Variants in DEPDC5 observed in about 807,000 individuals in gnomAD.
DEPDC5 encodes DEP domain containing 5, GATOR1 subcomplex subunit, also known as GATOR1 complex protein DEPDC5.
In DEPDC5, 73 loss-of-function variants were observed where a neutral mutation model predicts 217.3. That is an observed-to-expected ratio of 0.34 (90% confidence interval 0.28 to 0.41). The LOEUF is 0.41. Among genes scored for constraint, DEPDC5 ranks in the 10% least tolerant of loss-of-function variants. DEPDC5 has a pLI of 1.00. For missense variants in DEPDC5, 1,675 were observed against 2,070.1 expected (o/e 0.81, Z 3.70); for synonymous variants, 733 against 756.7 (o/e 0.97, Z 0.51).
intron 37 of DEPDC5, among the ~76,000 whole-genome samples, chr22:31,879,256 A>G (rs753452465): frequency 5.9e-5 from 9 of 151,564 alleles, no homozygotes; most frequent in Non-Finnish European, 1.2e-4. Context: ...GTTCCTGACC[A>G]TTTTCATCAC....
At chr22:31,857,796 T>G in intron 32 of DEPDC5, 1 of 358,716 alleles carries the variant, frequency 2.8e-6, no homozygotes, top group Non-Finnish European at 5.0e-6. Context: ...ATGCTTGTAA[T>G]CCCAGCACTT....
intron 7 of DEPDC5, 89 bp downstream of exon 7, chr22:31,768,952 T>C (rs1388301359): frequency 1.3e-6 from 2 of 1,512,102 alleles, no homozygotes; most frequent in Non-Finnish European, 1.8e-6. Context: ...TAATAAAATG[T>C]GTAAAAGTAT....
At chr22:31,763,364 A>G (rs971360953) in intron 4 of DEPDC5, among the ~76,000 whole-genome samples, 2 of 151,426 alleles carry the variant, frequency 1.3e-5, no homozygotes, top group African/African-American at 4.9e-5. Context: ...ACCCCAGGTG[A>G]TCTGCCTGCC....
At chr22:31,826,590 G>A (rs546944516) in intron 24 of DEPDC5, 2 of 350,666 alleles carry the variant, frequency 5.7e-6, no homozygotes, top group Admixed American at 3.7e-5. Flanking sequence ...CTTCTTTGAA[G>A]CCTGCCCCGG....
intron 24 of DEPDC5, among the ~76,000 whole-genome samples, chr22:31,828,704 T>C (rs1303259687): frequency 6.6e-6 from 1 of 152,170 alleles, no homozygotes; most frequent in Non-Finnish European, 1.5e-5. Flanking sequence ...TGGAACATGT[T>C]TTGCCTTCTT....
At chr22:31,772,882 A>G (rs574866523) in intron 7 of DEPDC5, among the ~76,000 whole-genome samples, 36 of 152,112 alleles carry the variant, frequency 2.4e-4, no homozygotes, top group Middle Eastern at 3.4e-3. Context: ...CCTGGTTTCA[A>G]GTGATTCTCC....
In DEPDC5 at chr22:31,873,242, C is replaced by G; in HGVS notation, c.3486-13C>G. ...GCCATCTTGCTTTGCTGACCTGACACCCTGTGTTACAGCTCTCAGCAGCTG... is the reference window on the plus strand; with the variant it reads ...GCCATCTTGCTTTGCTGACCTGACAGCCTGTGTTACAGCTCTCAGCAGCTG... On this transcript the variant is annotated splice_polypyrimidine_tract_variant and intron_variant, in intron 34 of 42. Coordinates refer to ENST00000651528, the MANE Select transcript of DEPDC5 (RefSeq NM_001242896.3). 6.2e-7 allele frequency: 1 copy of G among 1,614,030 alleles called. No individual in the cohort carries two copies. The highest frequency in any genetic ancestry group is 8.5e-7 in the Non-Finnish European group (1 of 1,179,942).
At chr22:31,822,223 A>G (rs144806214) in intron 23 of DEPDC5, among the ~76,000 whole-genome samples, 28 of 152,358 alleles carry the variant, frequency 1.8e-4, no homozygotes, top group African/African-American at 5.0e-4. Flanking sequence ...CCTGGACTCA[A>G]TATTCCTGTT....
At chr22:31,855,997 C>T (rs2092274372) in intron 31 of DEPDC5, among the ~76,000 whole-genome samples, 1 of 151,726 alleles carries the variant, frequency 6.6e-6, no homozygotes, top group Admixed American at 6.6e-5. Flanking sequence ...ATATAGGATG[C>T]TTATTAAGGA....
rs201062812 is a variant in DEPDC5 at position 31,861,784 on chromosome 22, AT to A, written c.3330+358del. Among the ~76,000 whole-genome samples the A allele has an allele frequency of 7.1e-3, 1,080 of 152,166 alleles. 14 individuals carry two copies. The highest frequency in any genetic ancestry group is 0.023 in the African/African-American group (975 of 41,514). ...ATGCTTAGTTAAGGGCTGAACACTT[AT>A]TTTTTTCCCCTCCCAATACAACCAG... On this transcript the variant is annotated intron_variant, in intron 33 of 42. Coordinates refer to ENST00000651528, the MANE Select transcript of DEPDC5 (RefSeq NM_001242896.3).
intron 41 of DEPDC5, among the ~76,000 whole-genome samples, chr22:31,903,293 CCCACCTTCCACACGTAAACCCCCT>C (rs1245815950): frequency 1.4e-5 from 1 of 71,638 alleles, no homozygotes; most frequent in African/African-American, 5.5e-5. Flanking sequence ...CCTAAACCCC[CCCACCTTCCACACGTAAACCCCCT>C]CCACCTTCCA....
At chr22:31,876,627 G>A (rs2092998749) in intron 37 of DEPDC5, among the ~76,000 whole-genome samples, 2 of 152,078 alleles carry the variant, frequency 1.3e-5, no homozygotes, top group African/African-American at 4.8e-5. Flanking sequence ...ATGGGCTCCA[G>A]TCTGTGATTT....
chr22:31,785,826 A>ATCAAGTTC (rs1334910507), intron 10 of DEPDC5, among the ~76,000 whole-genome samples: 58 of 152,348 alleles, frequency 3.8e-4, no homozygotes, highest in Non-Finnish European at 4.4e-4. Context: ...AGACAAGGGC[A>ATCAAGTTC]TCAAGTTCAT....
At chr22:31,830,102 G>A (rs916428407) in intron 24 of DEPDC5, among the ~76,000 whole-genome samples, 3 of 152,102 alleles carry the variant, frequency 2.0e-5, no homozygotes, top group African/African-American at 7.2e-5. Flanking sequence ...GGCCAGGTCA[G>A]TTTTTTTTAT....
rs904365208 is a variant in DEPDC5, at chr22:31,907,447, G to T, written c.*950G>T. 6.6e-6 allele frequency: 1 copy of T among 152,108 alleles called. No individual in the cohort carries two copies. The highest frequency in any genetic ancestry group is 1.5e-5 in the Non-Finnish European group (1 of 68,060). 9.4% of individuals were successfully genotyped at this position (152,108 alleles called of 1,614,324 possible). A position where few individuals can be genotyped will look rare whatever the true frequency, so the allele number is the denominator to read the frequency against. The stretch of plus-strand genomic sequence containing the variant: ...TTGTTGCCCAGGCTGGAGTGCAATG[G>T]TGTGATCTCAGCTCACTACAACCTC... On this transcript the variant is annotated 3_prime_UTR_variant, in exon 43 of 43. Transcript: ENST00000651528.
chr22:31,864,402 C>T, intron 33 of DEPDC5, among the ~76,000 whole-genome samples: 1 of 149,758 alleles, frequency 6.7e-6, no homozygotes, highest in Non-Finnish European at 1.5e-5. Context: ...CACCACCACA[C>T]CTGGCCCAGA....
intron 22 of DEPDC5, among the ~76,000 whole-genome samples, chr22:31,820,387 C>T (rs908677288): frequency 2.0e-5 from 3 of 152,192 alleles, no homozygotes; most frequent in Non-Finnish European, 2.9e-5. Flanking sequence ...GCTGGCATTA[C>T]AGGCGTGAGT....
chr22:31,763,474 G>A (rs1314591622), intron 4 of DEPDC5, among the ~76,000 whole-genome samples: 1 of 148,890 alleles, frequency 6.7e-6, no homozygotes, highest in Non-Finnish European at 1.5e-5. Flanking sequence ...GCCTCTCTCT[G>A]TTGTCCAGAC....
At chr22:31,855,399 C>T (rs1229114046) in intron 31 of DEPDC5, among the ~76,000 whole-genome samples, 2 of 145,166 alleles carry the variant, frequency 1.4e-5, no homozygotes, top group African/African-American at 2.6e-5. Context: ...TTTTTTGCGA[C>T]GGAGTCTCGC....
Sources: allele counts gnomAD v4.1 joint callset (sites outside exome capture counted in the v4.1 genomes callset), GRCh38; gene constraint gnomAD v4.1.1; transcripts MANE v1.5; gene names NCBI Gene and HGNC (gene_info 2026-07-23, HGNC 2026-07-21).